Variants in GNA11 observed in about 807,000 individuals in gnomAD.
The protein encoded by GNA11 is G protein subunit alpha 11.
A neutral mutation model predicts 38.2 loss-of-function variants in GNA11; 8 were observed. The ratio of observed to expected loss-of-function variants is 0.21; its 90% CI spans 0.12 to 0.38. GNA11 has a LOEUF of 0.38. Among genes scored for constraint, GNA11 ranks in the 10% least tolerant of loss-of-function variants. GNA11 has a pLI of 1.00. For missense variants in GNA11, 268 were observed against 516.3 expected (o/e 0.52, Z 4.66); for synonymous variants, 211 against 221.4 (o/e 0.95, Z 0.42).
intron 1 of GNA11, among the ~76,000 whole-genome samples, chr19:3,097,792 C>A (rs975525620): frequency 2.0e-5 from 3 of 152,196 alleles, no homozygotes; most frequent in Admixed American, 2.0e-4. Context: ...AACAGGTCTC[C>A]CCGGGGCCCT....
At position 3,122,056 on chromosome 19, in the gene GNA11, G is replaced by C. The variant is rs538275714; in HGVS notation, c.*877G>C. 2.6e-5 allele frequency: 6 copies of C among 233,332 alleles called. No individual in the cohort carries two copies. The South Asian group carries it at 1.1e-3, about 42-fold the overall frequency. 14.5% of individuals were successfully genotyped at this position (233,332 alleles called of 1,614,324 possible). The stretch of plus-strand genomic sequence containing the variant: ...CTCCAGAGGGCTGCACGGCCACCCT[G>C]CCCTGGCTAGAGCGCACCCCACCGG... On this transcript the variant is annotated 3_prime_UTR_variant, in exon 7 of 7. Transcript: ENST00000078429. The surrounding 1 kb of genome is among the most constrained non-coding windows in gnomAD (Gnocchi z 7.7).
At chr19:3,111,574 AT>A (rs1301358099) in intron 2 of GNA11, among the ~76,000 whole-genome samples, 1 of 152,188 alleles carries the variant, frequency 6.6e-6, no homozygotes, top group Non-Finnish European at 1.5e-5. Context: ...CCTGGAGGAC[AT>A]TTGAGTGCCT....
At chr19:3,112,460 C>T (rs72975284) in intron 2 of GNA11, among the ~76,000 whole-genome samples, 20,010 of 152,206 alleles carry the variant, frequency 0.13, 1,574 homozygotes, top group East Asian at 0.18. Context: ...CTCCCCAGTC[C>T]CTCAGCCAAA....
Position 3,118,799 on chromosome 19 carries a change from G to T in GNA11, c.606-125G>T, listed in dbSNP as rs931333063. 6.9e-6 allele frequency: 6 copies of T among 871,050 alleles called. No homozygotes were observed. The African/African-American group carries it at 8.3e-5, about 12-fold the overall frequency. 54.0% of individuals were successfully genotyped at this position (871,050 alleles called of 1,614,324 possible). ...GTCCTTGCCCGTTCTAAGAGTGGGGGCTCTTCCTGCTCCAGCCGATGTCAG... is the reference window on the plus strand; with the variant it reads ...GTCCTTGCCCGTTCTAAGAGTGGGGTCTCTTCCTGCTCCAGCCGATGTCAG... On this transcript the variant is annotated intron_variant, in intron 4 of 6. Coordinates refer to ENST00000078429, the MANE Select transcript of GNA11 (RefSeq NM_002067.5).
At chr19:3,116,455 TTGG>T (rs1913924988) in intron 4 of GNA11, among the ~76,000 whole-genome samples, 1 of 119,266 alleles carries the variant, frequency 8.4e-6, no homozygotes, top group Admixed American at 7.9e-5. Context: ...GGCCGCATCC[TTGG>T]CATCCTTGGC....
chr19:3,119,044 G>A lies in GNA11; in HGVS notation c.726G>A (p.Ser242=), dbSNP rs149637752. Residue 242 remains serine (S), a synonymous_variant, in exon 5 of 7, where the codon TCG becomes TCA. Transcript: ENST00000078429. This position sits in a 1 kb window ranked among gnomAD's most constrained non-coding sequence, Gnocchi z 4.6. ...LSEYDQVLVE[S]DNENRMEESK... ...AATACGACCAAGTCCTGGTGGAGTC[G>A]GACAACGAGGTGGGCCCTGCCCTGA... is the stretch of plus-strand genomic sequence containing the variant. 8.7e-5 allele frequency: 140 copies of A among 1,613,786 alleles called. 1 individual carries two copies. Among genetic ancestry groups the A allele is most frequent in the South Asian group, 7.8e-4 (71 of 91,082 alleles).
chr19:3,121,249 C>A lies in GNA11; in HGVS notation c.*70C>A. 2 of 1,307,842 alleles carry A rather than the reference C, an allele frequency of 1.5e-6. No homozygotes were observed. Among genetic ancestry groups the A allele is most frequent in the East Asian group, 2.5e-5 (1 of 39,628 alleles). The allele number at this position is 1,307,842 out of a possible 1,614,324, so 81.0% of individuals were successfully genotyped here. On this transcript the variant is annotated 3_prime_UTR_variant, in exon 7 of 7. Coordinates refer to ENST00000078429, the MANE Select transcript of GNA11 (RefSeq NM_002067.5). ...TTCCTTCCACGGAGCCTGCGGCTGC[C>A]GGGCGGGTGGCGCTGCCGAGTCCGG...
rs1165709212 is a variant in GNA11, at chr19:3,113,383, G to C, written c.375G>C (p.Glu125Asp). Residue 125 changes from glutamate (E) to aspartate (D), a missense_variant, in exon 3 of 7, where the codon GAG becomes GAC. Glu to Asp is a conservative substitution (Grantham distance 45, BLOSUM62 2). Transcript: ENST00000078429. ...EVDVEKVTTF[E>D]HQYVSAIKTL... ...ACGTGGAGAAGGTGACCACCTTCGA[G>C]CATCAGTACGTCAGTGCCATCAAGA... 1.2e-6 allele frequency: 2 copies of C among 1,613,400 alleles called. No homozygotes were observed. Among genetic ancestry groups the C allele is most frequent in the Non-Finnish European group, 8.5e-7 (1 of 1,179,770 alleles).
rs528393754 is a variant in GNA11 at position 3,122,677 on chromosome 19, C to T, written c.*1498C>T. ...GATGGATCGCCTGTGCTGCCTTCGC[C>T]CGCCGCCACACCGGGACCCTGCACG... On this transcript the variant is annotated 3_prime_UTR_variant, in exon 7 of 7. Transcript: ENST00000078429. This position sits in a 1 kb window ranked among gnomAD's most constrained non-coding sequence, Gnocchi z 7.7. The T allele has an allele frequency of 6.0e-4, 141 of 233,560 alleles. No individual in the cohort carries two copies. The highest frequency in any genetic ancestry group is 3.1e-3 in the African/African-American group (139 of 45,448). The allele number at this position is 233,560 out of a possible 1,614,324, so 14.5% of individuals were successfully genotyped here. A position where few individuals can be genotyped will look rare whatever the true frequency, so the allele number is the denominator to read the frequency against.
intron 1 of GNA11, among the ~76,000 whole-genome samples, chr19:3,099,604 C>G (rs913754529): frequency 6.6e-6 from 1 of 152,148 alleles, no homozygotes; most frequent in Non-Finnish European, 1.5e-5. Flanking sequence ...ATTGGCTGCC[C>G]TGGATCCAGA....
chr19:3,110,113 C>T lies in GNA11; in HGVS notation c.137-36C>T, dbSNP rs200107023. 1.2e-5 allele frequency: 19 copies of T among 1,538,240 alleles called. No homozygotes were observed. The highest frequency in any genetic ancestry group is 2.2e-4 in the Middle Eastern group (1 of 4,456). ...GGGCAGCAGCACGAGAGTCAGGCCCCGGCTGCCGCCCGCCCTCACGTGCCC... is the reference window on the plus strand; with the variant it reads ...GGGCAGCAGCACGAGAGTCAGGCCCTGGCTGCCGCCCGCCCTCACGTGCCC... On this transcript the variant is annotated intron_variant, in intron 1 of 6. Transcript: ENST00000078429. The surrounding 1 kb of genome is among the most constrained non-coding windows in gnomAD (Gnocchi z 5.4).
At chr19:3,109,330 C>T (rs773009701) in intron 1 of GNA11, among the ~76,000 whole-genome samples, 1 of 152,180 alleles carries the variant, frequency 6.6e-6, no homozygotes, top group Non-Finnish European at 1.5e-5. Context: ...TGGGGTGGAG[C>T]GACAGCTGGC....
intron 1 of GNA11, among the ~76,000 whole-genome samples, chr19:3,104,990 C>T (rs1282225551): frequency 6.6e-6 from 1 of 151,078 alleles, no homozygotes; most frequent in Admixed American, 6.6e-5. Context: ...ACGACGGCCT[C>T]CTGGGAGGCT....
In GNA11 at chr19:3,100,004, G is replaced by A. The variant is rs141696450; in HGVS notation, c.136+5217G>A. On this transcript the variant is annotated intron_variant, in intron 1 of 6. Coordinates refer to ENST00000078429, the MANE Select transcript of GNA11 (RefSeq NM_002067.5). ...CATCCTGCCGCACGTGGGGACCCAC[G>A]GAATGCTGGCTGCTGCTTCCGCTGC... Among the ~76,000 whole-genome samples the A allele has an allele frequency of 2.0e-3, 311 of 152,344 alleles. 1 individual carries two copies. The highest frequency in any genetic ancestry group is 7.2e-3 in the African/African-American group (301 of 41,582).
chr19:3,094,608 G>T lies in GNA11; in HGVS notation c.-44G>T. 1 of 1,025,364 alleles carries T rather than the reference G, an allele frequency of 9.8e-7. No individual in the cohort carries two copies. The highest frequency in any genetic ancestry group is 1.2e-6 in the Non-Finnish European group (1 of 835,762). The allele number at this position is 1,025,364 out of a possible 1,614,324, so 63.5% of individuals were successfully genotyped here. ...CGGCCAGGGCCGGGCCGGGGGCCGG[G>T]GGGCGGCGGCGGGCAGGCGGCCGCG... On this transcript the variant is annotated 5_prime_UTR_variant, in exon 1 of 7. Coordinates refer to ENST00000078429, the MANE Select transcript of GNA11 (RefSeq NM_002067.5). The surrounding 1 kb of genome is among the most constrained non-coding windows in gnomAD (Gnocchi z 6.0).
At chr19:3,109,050 C>T (rs1306017672) in intron 1 of GNA11, among the ~76,000 whole-genome samples, 1 of 152,242 alleles carries the variant, frequency 6.6e-6, no homozygotes, top group Non-Finnish European at 1.5e-5. Context: ...CTGTCACTTC[C>T]ATCACATTCT....
In GNA11 at chr19:3,123,775, A is replaced by G. The variant is rs1568287098; in HGVS notation, c.*2596A>G. ...TTTCAGACAATTTCAACCTTAATCT[A>G]TTTAAAAAAGAATATTCTATACAAG... On this transcript the variant is annotated 3_prime_UTR_variant, in exon 7 of 7. Transcript: ENST00000078429. 4.3e-6 allele frequency: 1 copy of G among 232,030 alleles called. No homozygotes were observed. The highest frequency in any genetic ancestry group is 8.5e-6 in the Non-Finnish European group (1 of 117,364). 14.4% of individuals were successfully genotyped at this position (232,030 alleles called of 1,614,324 possible). A position where few individuals can be genotyped will look rare whatever the true frequency, so the allele number is the denominator to read the frequency against.
chr19:3,115,787 G>C (rs1338821495), intron 4 of GNA11, among the ~76,000 whole-genome samples: 1 of 128,472 alleles, frequency 7.8e-6, no homozygotes, highest in African/African-American at 3.4e-5. Context: ...GTGAGGGGAG[G>C]GGGGGGGTCA....
rs1384417021 is a variant in GNA11, at chr19:3,120,009, G to A, written c.889+650G>A. 6.6e-6 allele frequency among the ~76,000 whole-genome samples: 1 copy of A among 152,062 alleles called. No individual in the cohort carries two copies. Among genetic ancestry groups the A allele is most frequent in the Non-Finnish European group, 1.5e-5 (1 of 67,980 alleles). On this transcript the variant is annotated intron_variant, in intron 6 of 6. Coordinates refer to ENST00000078429, the MANE Select transcript of GNA11 (RefSeq NM_002067.5). This position sits in a 1 kb window ranked among gnomAD's most constrained non-coding sequence, Gnocchi z 5.9. Reference sequence around the variant, plus strand: ...GAGGGTGTTGTGTGCCCTCGTCTGTGTGGTCAGTGGCTGCCGTTAGTGCTG... The same window carrying A: ...GAGGGTGTTGTGTGCCCTCGTCTGTATGGTCAGTGGCTGCCGTTAGTGCTG...
Sources: gnomAD v4.1 joint callset for allele counts (sites outside exome capture counted in the v4.1 genomes callset) on GRCh38, gnomAD v4.1.1 for gene constraint, Gnocchi (gnomAD v3.1) non-coding constraint, MANE v1.5 for transcripts, NCBI Gene and HGNC (gene_info 2026-07-23, HGNC 2026-07-21) for gene names.